Variants in TTC34 observed in about 807,000 individuals in gnomAD.
The protein encoded by TTC34 is tetratricopeptide repeat protein 34.
TTC34 carries 44 observed loss-of-function variants against 40.7 expected under a neutral mutation model. The ratio of observed to expected loss-of-function variants is 1.08; its 90% CI spans 0.85 to 1.39. The LOEUF is 1.39. TTC34 is among the 40% of genes most tolerant of loss of function. The pLI is 0.00. For synonymous variants in TTC34, 422 were observed against 398.6 expected (o/e 1.06, Z -0.70); for missense variants, 884 against 838.0 (o/e 1.05, Z -0.68).
At chr1:2,683,302 A>T (rs1290714203) in intron 6 of TTC34, among the ~76,000 whole-genome samples, 1 of 104,274 alleles carries the variant, frequency 9.6e-6, no homozygotes, top group Non-Finnish European at 2.1e-5. Flanking sequence ...CCTGGAACAG[A>T]ATCCACACCC....
chr1:2,639,141 T>C (rs1638847004), exon 9 of TTC34: 1 of 152,166 alleles, frequency 6.6e-6, no homozygotes, highest in African/African-American at 2.4e-5. Context: ...ACCATAACCT[T>C]GGGGGTTAGG....
At chr1:2,685,420 T>C (rs1243836045) in intron 6 of TTC34, among the ~76,000 whole-genome samples, 17 of 96,548 alleles carry the variant, frequency 1.8e-4, no homozygotes, top group East Asian at 3.4e-4. Context: ...CATCGGAGAG[T>C]CTGGAGCAGC....
chr1:2,641,611 G>A, exon 9 of TTC34: 2 of 1,534,300 alleles, frequency 1.3e-6, no homozygotes, highest in Non-Finnish European at 8.7e-7. Context: ...CCTGGGCAAA[G>A]GCCCCTGCGG....
chr1:2,791,913 TTTCTA>T (rs1643667135), intron 2 of TTC34, among the ~76,000 whole-genome samples: 1 of 151,916 alleles, frequency 6.6e-6, no homozygotes, highest in South Asian at 2.1e-4. Flanking sequence ...TATCGAGTAA[TTTCTA>T]TTCTGTCTTC....
At chr1:2,793,776 G>C (rs957172263) in intron 2 of TTC34, among the ~76,000 whole-genome samples, 2 of 152,042 alleles carry the variant, frequency 1.3e-5, no homozygotes, top group Non-Finnish European at 2.9e-5. Flanking sequence ...TCATTTTATT[G>C]GTCTTTCTAT....
At chr1:2,754,720 C>T (rs1254023592) in intron 6 of TTC34, among the ~76,000 whole-genome samples, 23 of 134,540 alleles carry the variant, frequency 1.7e-4, no homozygotes, top group African/African-American at 6.7e-4. Context: ...CATCCGACAG[C>T]CTGGAGCAGC....
rs77483654 is a variant in TTC34, at chr1:2,791,775, C to T, written c.785-1429G>A. On this transcript the variant is annotated intron_variant, in intron 2 of 8. Coordinates refer to ENST00000401095, the Ensembl canonical transcript of TTC34. The stretch of plus-strand genomic sequence containing the variant: ...CCCTTGGGACCTGAGGGTGATGGGG[C>T]GCTGTTATTTATGTTCCCACGTGAA... 1.4e-3 allele frequency among the ~76,000 whole-genome samples: 219 copies of T among 152,118 alleles called. 3 individuals carry two copies. In the East Asian group the frequency reaches 0.037, roughly 26 times the overall value.
intron 6 of TTC34, among the ~76,000 whole-genome samples, chr1:2,688,190 C>G (rs1450697124): frequency 1.3e-5 from 2 of 151,916 alleles, no homozygotes; most frequent in South Asian, 2.1e-4. Context: ...ATCGGACAGC[C>G]TGGAGCAGCA....
chr1:2,662,365 T>A (rs1440314397), intron 6 of TTC34, among the ~76,000 whole-genome samples: 220 of 79,252 alleles, frequency 2.8e-3, no homozygotes, highest in African/African-American at 8.1e-3. Context: ...ACACCCCCAG[T>A]TGAGCAACTG....
intron 2 of TTC34, among the ~76,000 whole-genome samples, chr1:2,798,260 G>A (rs185072905): frequency 3.6e-3 from 23 of 6,452 alleles, no homozygotes; most frequent in East Asian, 0.013. Context: ...TCAGCTCCCC[G>A]GCCCCCCAGC....
At chr1:2,786,669 C>T (rs1422253841) in intron 4 of TTC34, among the ~76,000 whole-genome samples, 1 of 152,156 alleles carries the variant, frequency 6.6e-6, no homozygotes, top group African/African-American at 2.4e-5. Context: ...GGTCAACAGG[C>T]GCCAGGGAGT....
chr1:2,799,252 C>T (rs1289615082), intron 2 of TTC34, among the ~76,000 whole-genome samples: 2 of 152,196 alleles, frequency 1.3e-5, no homozygotes, highest in African/African-American at 4.8e-5. Flanking sequence ...TTTAAAAATG[C>T]AGATCAGGCG....
rs575478346 is a variant in TTC34, at chr1:2,767,869, C to T, written c.2226+15740G>A. Among the ~76,000 whole-genome samples, 35 of 149,492 alleles carry T rather than the reference C, an allele frequency of 2.3e-4. No homozygotes were observed. In the South Asian group the frequency reaches 4.6e-3, roughly 20 times the overall value. On this transcript the variant is annotated intron_variant, in intron 6 of 8. Transcript: ENST00000401095. ...CACCCCCAGGTGTGCATCTGACAGCCTGAAACAGCACCCTCCACCACCAGA... is the reference window on the plus strand; with the variant it reads ...CACCCCCAGGTGTGCATCTGACAGCTTGAAACAGCACCCTCCACCACCAGA...
Position 2,790,350 on chromosome 1 carries a change from C to A in TTC34, c.785-4G>T, listed in dbSNP as rs946298685. ...AGCAGGGCGGCTCGGCGCTCACCTG[C>A]GGAGAGAAACAGAGGCGTGGGTTCT... is the stretch of plus-strand genomic sequence containing the variant. On this transcript the variant is annotated splice_region_variant and splice_polypyrimidine_tract_variant and intron_variant, in intron 2 of 8. Coordinates refer to ENST00000401095, the Ensembl canonical transcript of TTC34. The A allele has an allele frequency of 1.0e-5, 4 of 398,536 alleles. No homozygotes were observed. Among genetic ancestry groups the A allele is most frequent in the Non-Finnish European group, 1.8e-5 (4 of 226,016 alleles). 24.7% of individuals were successfully genotyped at this position (398,536 alleles called of 1,614,324 possible).
At chr1:2,775,713 C>T (rs1338479945) in intron 6 of TTC34, 1 of 147,384 alleles carries the variant, frequency 6.8e-6, no homozygotes, top group African/African-American at 2.7e-5. Context: ...ACCCACATCC[C>T]CAGGTAAGTG....
chr1:2,688,815 C>G (rs545832267), intron 6 of TTC34, among the ~76,000 whole-genome samples: 18 of 86,824 alleles, frequency 2.1e-4, no homozygotes, highest in African/African-American at 1.1e-3. Context: ...CCCATACCCC[C>G]AGGTGAGCAT....
At chr1:2,777,688 TGGG>T (rs70956335) in intron 6 of TTC34, among the ~76,000 whole-genome samples, 2 of 120,700 alleles carry the variant, frequency 1.7e-5, no homozygotes, top group African/African-American at 5.9e-5. Flanking sequence ...GCAGAGGGCA[TGGG>T]GGGGGGGGCG....
At chr1:2,660,786 C>A (rs1371141809) in intron 6 of TTC34, among the ~76,000 whole-genome samples, 1 of 138,662 alleles carries the variant, frequency 7.2e-6, no homozygotes, top group South Asian at 2.5e-4. Flanking sequence ...GGAGCAGCAC[C>A]CACACCCCCA....
At chr1:2,648,181 C>T (rs952994769) in intron 6 of TTC34, among the ~76,000 whole-genome samples, 2 of 152,056 alleles carry the variant, frequency 1.3e-5, no homozygotes, top group Admixed American at 6.6e-5. Context: ...ATTACGGGTC[C>T]CATTTCCCTG....
Sources: allele counts gnomAD v4.1 joint callset (sites outside exome capture counted in the v4.1 genomes callset), GRCh38; gene constraint gnomAD v4.1.1; transcripts MANE v1.5; gene names NCBI Gene and HGNC (gene_info 2026-07-23, HGNC 2026-07-21).